FGGY: variants seen among roughly 807,000 people sequenced by gnomAD.
The protein encoded by FGGY is FGGY carbohydrate kinase domain-containing protein.
A neutral mutation model predicts 71.3 loss-of-function variants in FGGY; 72 were observed. That is an observed-to-expected ratio of 1.01 (90% CI 0.84 to 1.23). The LOEUF (loss-of-function observed/expected upper bound fraction) is 1.23. Ranked by LOEUF, FGGY falls within the 50% of genes most tolerant of loss-of-function variation. FGGY has a pLI of 0.00. For synonymous variants in FGGY, 251 were observed against 250.3 expected (o/e 1.00, Z -0.02); for missense variants, 668 against 682.3 (o/e 0.98, Z 0.23).
At chr1:59,701,552 C>T (rs1002715135) in intron 14 of FGGY, among the ~76,000 whole-genome samples, 7 of 152,100 alleles carry the variant, frequency 4.6e-5, no homozygotes, top group Non-Finnish European at 1.0e-4. Context: ...AAGTTTCCAA[C>T]AGTATTGCAG....
chr1:59,587,794 T>A (rs753162610), intron 8 of FGGY, among the ~76,000 whole-genome samples: 1 of 152,170 alleles, frequency 6.6e-6, no homozygotes, highest in Non-Finnish European at 1.5e-5. Flanking sequence ...AAAACCCATC[T>A]GTACGTCGCC....
At chr1:59,457,523 A>T (rs912541576) in intron 6 of FGGY, among the ~76,000 whole-genome samples, 7 of 151,740 alleles carry the variant, frequency 4.6e-5, no homozygotes, top group Admixed American at 6.6e-5. Flanking sequence ...AGGTGGGGGG[A>T]TTGCTTGAGC....
rs375094842 is a variant in FGGY, at chr1:59,346,263, C to T, written c.330C>T (p.Asn110=). The T allele has an allele frequency of 1.2e-4, 191 of 1,612,758 alleles. No homozygotes were observed. The highest frequency in any genetic ancestry group is 1.5e-4 in the Non-Finnish European group (179 of 1,179,720). Residue 110 remains asparagine (N), a synonymous_variant, in exon 4 of 16, where the codon AAC becomes AAT. Coordinates refer to ENST00000303721, the MANE Select transcript of FGGY (RefSeq NM_018291.5). Reference sequence around the variant, plus strand: ...TTCTGCTAGGGGATTCCCATCGAAACGTCATCATGTGGCTGGACCATCGAG... The same window carrying T: ...TTCTGCTAGGGGATTCCCATCGAAATGTCATCATGTGGCTGGACCATCGAG... The part of the protein sequence containing the change: ...PVNQEGDSHR[N]VIMWLDHRAV...
At chr1:59,389,147 C>A (rs1224391339) in intron 5 of FGGY, among the ~76,000 whole-genome samples, 3 of 152,066 alleles carry the variant, frequency 2.0e-5, no homozygotes, top group African/African-American at 4.8e-5. Flanking sequence ...AGGGTTTCAC[C>A]ATATTGGTTA....
intron 8 of FGGY, among the ~76,000 whole-genome samples, chr1:59,598,738 G>A (rs140972444): frequency 4.6e-5 from 7 of 152,260 alleles, no homozygotes; most frequent in East Asian, 3.9e-4. Context: ...TGGTAAGCCC[G>A]ATCTTTATTA....
intron 2 of FGGY, among the ~76,000 whole-genome samples, chr1:59,339,011 G>A (rs1475568529): frequency 2.0e-5 from 3 of 152,122 alleles, no homozygotes; most frequent in Non-Finnish European, 2.9e-5. Context: ...GCATTGTGAC[G>A]CCACACATGG....
intron 14 of FGGY, among the ~76,000 whole-genome samples, chr1:59,751,481 A>G (rs561401592): frequency 6.6e-6 from 1 of 152,358 alleles, no homozygotes; most frequent in Admixed American, 6.5e-5. Flanking sequence ...TATTTACTCT[A>G]TAAAACAAGT....
chr1:59,652,248 G>A (rs1179490300), intron 11 of FGGY, among the ~76,000 whole-genome samples: 162 of 146,736 alleles, frequency 1.1e-3, no homozygotes, highest in African/African-American at 4.0e-3. Flanking sequence ...TGCTCTTCTC[G>A]AGGAGTATCT....
intron 4 of FGGY, among the ~76,000 whole-genome samples, chr1:59,370,732 A>C (rs2057459569): frequency 6.6e-6 from 1 of 151,674 alleles, no homozygotes; most frequent in East Asian, 1.9e-4. Context: ...ACAAGCCAGA[A>C]GAGAGTGGGG....
At chr1:59,529,674 G>A (rs1373188546) in intron 7 of FGGY, among the ~76,000 whole-genome samples, 1 of 152,176 alleles carries the variant, frequency 6.6e-6, no homozygotes, top group Non-Finnish European at 1.5e-5. Flanking sequence ...TACCGTTTTG[G>A]AGTTTGTGCT....
At chr1:59,637,517 G>A (rs750001805) in intron 10 of FGGY, among the ~76,000 whole-genome samples, 34 of 152,146 alleles carry the variant, frequency 2.2e-4, no homozygotes, top group Non-Finnish European at 4.6e-4. Context: ...CAGGAGAATC[G>A]CTTGAATCTG....
intron 5 of FGGY, among the ~76,000 whole-genome samples, chr1:59,435,719 T>G (rs1358666519): frequency 1.3e-5 from 2 of 151,174 alleles, no homozygotes; most frequent in Non-Finnish European, 2.9e-5. Context: ...GCCACTTGCT[T>G]ATTTCCTTCC....
At chr1:59,556,951 A>T (rs534812025) in intron 8 of FGGY, among the ~76,000 whole-genome samples, 12 of 152,190 alleles carry the variant, frequency 7.9e-5, no homozygotes, top group South Asian at 4.1e-4. Context: ...CCCCACCCCC[A>T]TCCTGCTTTG....
intron 5 of FGGY, among the ~76,000 whole-genome samples, chr1:59,443,351 C>T (rs545001441): frequency 1.3e-5 from 2 of 152,314 alleles, no homozygotes; most frequent in East Asian, 1.9e-4. Context: ...AGTCTGCTCT[C>T]TTTCATCCTT....
chr1:59,732,832 C>T (rs2098051913), intron 14 of FGGY, among the ~76,000 whole-genome samples: 1 of 152,060 alleles, frequency 6.6e-6, no homozygotes, highest in Non-Finnish European at 1.5e-5. Flanking sequence ...ACATGCAATT[C>T]TTGCACCCTG....
rs1233600789 is a variant in FGGY, at chr1:59,381,147, C to G, written c.554+2310C>G. 3.0e-4 allele frequency among the ~76,000 whole-genome samples: 46 copies of G among 152,134 alleles called. 1 individual carries two copies. The highest frequency in any genetic ancestry group is 3.0e-3 in the Admixed American group (46 of 15,264). ...GAGGGCTCTGTTCTTTTCCATTGGT[C>G]TATATCTCTGTTTTGGTACCAGTAC... On this transcript the variant is annotated intron_variant, in intron 5 of 15. Transcript: ENST00000303721.
intron 12 of FGGY, among the ~76,000 whole-genome samples, chr1:59,660,766 G>A (rs2097266840): frequency 6.6e-6 from 1 of 152,174 alleles, no homozygotes; most frequent in South Asian, 2.1e-4. Flanking sequence ...GGATGATTAG[G>A]GAGGAAGAGG....
chr1:59,427,581 T>A (rs1557889043), intron 5 of FGGY, among the ~76,000 whole-genome samples: 1 of 152,188 alleles, frequency 6.6e-6, no homozygotes, highest in Non-Finnish European at 1.5e-5. Flanking sequence ...ATCTGTAGTC[T>A]CTGTCTTCAA....
In FGGY at chr1:59,762,490, A is replaced by G. The variant is rs1283884020; in HGVS notation, c.1575-13A>G. On this transcript the variant is annotated splice_polypyrimidine_tract_variant and intron_variant, in intron 15 of 15. Transcript: ENST00000303721. ...TCTTGAGATCATTCAACATATTTAT[A>G]TTTCTCCCACAGATACTATGATAAG... 6.2e-7 allele frequency: 1 copy of G among 1,604,624 alleles called. No individual in the cohort carries two copies. Among genetic ancestry groups the G allele is most frequent in the Non-Finnish European group, 8.5e-7 (1 of 1,172,606 alleles).
Sources: allele counts gnomAD v4.1 joint callset (sites outside exome capture counted in the v4.1 genomes callset), GRCh38; gene constraint gnomAD v4.1.1; transcripts MANE v1.5; gene names NCBI Gene and HGNC (gene_info 2026-07-23, HGNC 2026-07-21).